Variants in EFHC2 observed in about 807,000 individuals in gnomAD.
The protein encoded by EFHC2 is EF-hand domain containing 2, also known as EF-hand domain-containing family member C2.
Under a neutral mutation model 52.7 loss-of-function variants are expected in EFHC2, and 18 were observed. That is an observed-to-expected ratio of 0.34 (90% CI 0.24 to 0.51). The LOEUF (loss-of-function observed/expected upper bound fraction) is 0.51. Ranked by LOEUF, EFHC2 falls within the 20% of genes least tolerant of loss-of-function variation. The probability of loss-of-function intolerance (pLI) is 0.97; values close to 1 mark genes in which losing one functional copy is unlikely to be tolerated. For synonymous variants in EFHC2, 203 were observed against 204.1 expected (o/e 0.99, Z 0.04); for missense variants, 513 against 562.5 (o/e 0.91, Z 0.89).
intron 12 of EFHC2, 102 bp downstream of exon 12, chrX:44,178,265 C>G: frequency 1.3e-6 from 1 of 758,029 alleles, no homozygotes; most frequent in Non-Finnish European, 1.9e-6. Flanking sequence ...TATGATGACA[C>G]ATGTCTATTT....
At chrX:44,296,739 T>C (rs1347361261) in intron 2 of EFHC2, among the ~76,000 whole-genome samples, 1 of 112,292 alleles carries the variant, frequency 8.9e-6, no homozygotes, top group Non-Finnish European at 1.9e-5. Context: ...TTAAGTAAAT[T>C]TGCTAAAATA....
chrX:44,249,252 A>C (rs1431254252), intron 5 of EFHC2, among the ~76,000 whole-genome samples: 1 of 111,344 alleles, frequency 9.0e-6, no homozygotes, highest in Non-Finnish European at 1.9e-5. Context: ...GAATCTGGGA[A>C]AGCCTCCCGG....
At position 44,163,991 on chromosome X, in the gene EFHC2, T is replaced by C; in HGVS notation, c.2079A>G (p.Ser693=). 1 of 1,160,462 alleles carries C rather than the reference T, an allele frequency of 8.6e-7. No homozygotes were observed. Residue 693 remains serine, a synonymous_variant, in exon 14 of 15, where the codon TCA becomes TCG. Coordinates refer to ENST00000420999, the MANE Select transcript of EFHC2 (RefSeq NM_025184.4). Reference sequence around the variant, plus strand: ...TTCTCCAGTTCAGGGCAGAGAAAAATGACTTATAATCTATTTGTTTTTCAC... The same window carrying C: ...TTCTCCAGTTCAGGGCAGAGAAAAACGACTTATAATCTATTTGTTTTTCAC... ...EDSEKQIDYK[S]FFSALNWRKN...
chrX:44,319,920 TTTTA>T (rs896753812), intron 1 of EFHC2, among the ~76,000 whole-genome samples: 25 of 111,116 alleles, frequency 2.2e-4, no homozygotes, highest in South Asian at 7.4e-4. Flanking sequence ...TTTTTATTTA[TTTTA>T]TTTATTTTTT....
At chrX:44,215,741 G>A (rs748455597) in intron 11 of EFHC2, among the ~76,000 whole-genome samples, 4 of 111,286 alleles carry the variant, frequency 3.6e-5, no homozygotes, top group Non-Finnish European at 7.5e-5. Flanking sequence ...TTCTTTGGAT[G>A]GAAAACACAT....
intron 3 of EFHC2, among the ~76,000 whole-genome samples, chrX:44,265,398 G>A (rs1157502869): frequency 9.0e-6 from 1 of 110,846 alleles, no homozygotes; most frequent in Non-Finnish European, 1.9e-5. Context: ...TCAACCTCCC[G>A]TGTAGCTGAG....
intron 2 of EFHC2, among the ~76,000 whole-genome samples, chrX:44,283,355 T>C (rs1190752515): frequency 9.0e-6 from 1 of 110,589 alleles, no homozygotes; most frequent in Admixed American, 9.6e-5. Context: ...GCTAATTTTT[T>C]GTATTTTTAG....
intron 2 of EFHC2, among the ~76,000 whole-genome samples, chrX:44,296,957 G>A (rs1010999039): frequency 8.9e-6 from 1 of 111,896 alleles, no homozygotes; most frequent in Non-Finnish European, 1.9e-5. Flanking sequence ...AAAAATGCAA[G>A]AATCCTGTAG....
At chrX:44,310,355 CGGGTCCCGCTCAGGGCCGGCGGCCT>C in intron 2 of EFHC2, 21 of 890,920 alleles carry the variant, frequency 2.4e-5, no homozygotes, top group Non-Finnish European at 3.3e-5. Context: ...GGCCAGAACC[CGGGTCCCGCTCAGGGCCGGCGGCCT>C]GTTCACCTTG....
At chrX:44,282,636 GT>G (rs1323626371) in intron 2 of EFHC2, among the ~76,000 whole-genome samples, 36 of 11,492 alleles carry the variant, frequency 3.1e-3, no homozygotes, top group African/African-American at 8.5e-3. Context: ...GGGGGGGGGG[GT>G]GGGGGGGGGT....
chrX:44,198,721 A>C, intron 11 of EFHC2, among the ~76,000 whole-genome samples: 1 of 111,221 alleles, frequency 9.0e-6, no homozygotes, highest in Middle Eastern at 4.6e-3. Context: ...GTGGGATCAA[A>C]CCCTTTAGCA....
intron 14 of EFHC2, among the ~76,000 whole-genome samples, chrX:44,152,523 T>C (rs2036577861): frequency 9.0e-6 from 1 of 111,402 alleles, no homozygotes; most frequent in Non-Finnish European, 1.9e-5. Flanking sequence ...GCGACACTAC[T>C]CTTCTCTCTC....
intron 14 of EFHC2, among the ~76,000 whole-genome samples, chrX:44,152,725 T>TACACAC (rs3037406): frequency 0.066 from 6,531 of 99,329 alleles, 416 homozygotes; most frequent in African/African-American, 0.18. Context: ...AGTAAACCAT[T>TACACAC]ACACACACAC....
chrX:44,148,945 C>T (rs756270485), intron 14 of EFHC2, 49 bp from the exon 15 acceptor site: 1 of 1,056,053 alleles, frequency 9.5e-7, no homozygotes, highest in Non-Finnish European at 1.3e-6. Flanking sequence ...TTTCAAAGTA[C>T]AGTTTTGAAA....
At chrX:44,176,211 A>C in intron 13 of EFHC2, 81 bp downstream of exon 13, 1 of 766,829 alleles carries the variant, frequency 1.3e-6, no homozygotes, top group African/African-American at 2.1e-5. Flanking sequence ...AGGGTAATTA[A>C]AGGGAGATGT....
chrX:44,338,964 G>A lies in EFHC2; in HGVS notation c.42+4583C>T, dbSNP rs757057612. On this transcript the variant is annotated intron_variant, in intron 1 of 14. Coordinates refer to ENST00000420999, the MANE Select transcript of EFHC2 (RefSeq NM_025184.4). Reference sequence around the variant, plus strand: ...CCAGCACTTTGGGAGGCTGAGGCGGGTGGATCAACTGAGGTCAGGAGTTCG... The same window carrying A: ...CCAGCACTTTGGGAGGCTGAGGCGGATGGATCAACTGAGGTCAGGAGTTCG... Among the ~76,000 whole-genome samples, 213 of 111,218 alleles carry A rather than the reference G, an allele frequency of 1.9e-3. 1 individual carries two copies. The highest frequency in any genetic ancestry group is 6.6e-3 in the African/African-American group (203 of 30,580).
chrX:44,312,696 ACAT>A lies in EFHC2; in HGVS notation c.100_102del (p.Met34del). The A allele has an allele frequency of 8.3e-7, 1 of 1,207,991 alleles. No homozygotes were observed. The highest frequency in any genetic ancestry group is 1.1e-6 in the Non-Finnish European group (1 of 894,125). On this transcript the variant is annotated inframe_deletion, in exon 2 of 15. Transcript: ENST00000420999. ...ATTCCAGGCTTTTCATCACTCACCA[ACAT>A]CATAACATTGTTGCAAAAGCCCCAA...
At chrX:44,213,439 C>T (rs886662911) in intron 11 of EFHC2, among the ~76,000 whole-genome samples, 31 of 111,799 alleles carry the variant, frequency 2.8e-4, no homozygotes, top group African/African-American at 9.7e-4. Flanking sequence ...GGTTGAGGCA[C>T]AGCCTAGTTT....
chrX:44,244,104 C>T (rs2037381547), intron 7 of EFHC2, among the ~76,000 whole-genome samples: 1 of 112,249 alleles, frequency 8.9e-6, no homozygotes, highest in Non-Finnish European at 1.9e-5. Context: ...CCTAGAATTA[C>T]AGGGCTTATA....
Sources: gnomAD v4.1 joint callset for allele counts (sites outside exome capture counted in the v4.1 genomes callset) on GRCh38, gnomAD v4.1.1 for gene constraint, MANE v1.5 for transcripts, NCBI Gene and HGNC (gene_info 2026-07-23, HGNC 2026-07-21) for gene names.